Variants in ARFIP1 observed in about 807,000 individuals in gnomAD.
The protein encoded by ARFIP1 is ARF interacting protein 1.
A neutral mutation model predicts 42.5 loss-of-function variants in ARFIP1; 24 were observed. That is an observed-to-expected ratio of 0.57 (90% confidence interval 0.41 to 0.80). The LOEUF is 0.80. Among genes scored for constraint, ARFIP1 ranks in the 30% least tolerant of loss-of-function variants. The probability of loss-of-function intolerance (pLI) is 0.00; values close to 1 mark genes in which losing one functional copy is unlikely to be tolerated. For synonymous variants in ARFIP1, 141 were observed against 153.7 expected, an observed-to-expected ratio of 0.92 and a Z score of 0.61; for missense variants, 354 against 434.0, an observed-to-expected ratio of 0.82 and a Z score of 1.64.
intron 3 of ARFIP1, among the ~76,000 whole-genome samples, chr4:152,864,229 C>A (rs1437608672): frequency 1.3e-5 from 2 of 152,110 alleles, no homozygotes; most frequent in Non-Finnish European, 2.9e-5. Context: ...TGTTGAATAC[C>A]TGAGATATAG....
chr4:152,840,552 T>C (rs1377853194), intron 2 of ARFIP1, among the ~76,000 whole-genome samples: 30 of 152,188 alleles, frequency 2.0e-4, no homozygotes, highest in Admixed American at 2.0e-3. Context: ...TTGTTTTGTC[T>C]GATGTAAGAA....
intron 1 of ARFIP1, among the ~76,000 whole-genome samples, chr4:152,798,124 C>T (rs887828172): frequency 6.6e-6 from 1 of 152,118 alleles, no homozygotes; most frequent in Non-Finnish European, 1.5e-5. Context: ...GTGGCAGGCA[C>T]CTGTAATTCC....
At chr4:152,866,815 G>A (rs1578966537) in intron 3 of ARFIP1, among the ~76,000 whole-genome samples, 2 of 151,942 alleles carry the variant, frequency 1.3e-5, no homozygotes, top group Non-Finnish European at 2.9e-5. Context: ...TCACCTCCCA[G>A]ATGGGGTCGC....
intron 1 of ARFIP1, among the ~76,000 whole-genome samples, chr4:152,804,018 TTATA>T (rs1184582192): frequency 7.4e-6 from 1 of 134,616 alleles, no homozygotes; most frequent in Non-Finnish European, 1.5e-5. Context: ...AATATATATA[TTATA>T]TATAATATAA....
In ARFIP1 at chr4:152,801,206, G is replaced by A. The variant is rs550069324; in HGVS notation, c.-10+20980G>A. Among the ~76,000 whole-genome samples the A allele has an allele frequency of 2.0e-5, 3 of 152,310 alleles. No individual in the cohort carries two copies. The South Asian group carries it at 6.2e-4, about 32-fold the overall frequency. Reference sequence around the variant, plus strand: ...CTGCTGTAAAGCATAAGGGGCTAGAGTGATCAAGAGTGCTAATTGACATAG... The same window carrying A: ...CTGCTGTAAAGCATAAGGGGCTAGAATGATCAAGAGTGCTAATTGACATAG... On this transcript the variant is annotated intron_variant, in intron 1 of 8. Coordinates refer to ENST00000353617, the MANE Select transcript of ARFIP1 (RefSeq NM_001025595.3).
At chr4:152,889,919 T>TATATATATACTATACATACAGTACTATA (rs1179099513) in intron 8 of ARFIP1, among the ~76,000 whole-genome samples, 1 of 138,664 alleles carries the variant, frequency 7.2e-6, no homozygotes, top group African/African-American at 2.7e-5. Context: ...TAATATATAG[T>TATATATATACTATACATACAGTACTATA]GTATGTATAC....
intron 1 of ARFIP1, among the ~76,000 whole-genome samples, chr4:152,821,390 G>T (rs1228936521): frequency 6.6e-6 from 1 of 152,106 alleles, no homozygotes; most frequent in East Asian, 1.9e-4. Context: ...GTAGGAAAAA[G>T]AATTTCAGAA....
intron 1 of ARFIP1, chr4:152,796,057 T>C: frequency 1.4e-6 from 1 of 714,214 alleles, no homozygotes; most frequent in South Asian, 1.4e-5. Flanking sequence ...ATATATAAAA[T>C]TGCTGTCAAA....
intron 1 of ARFIP1, among the ~76,000 whole-genome samples, chr4:152,824,758 T>G (rs1256077813): frequency 1.3e-5 from 2 of 152,178 alleles, no homozygotes; most frequent in Non-Finnish European, 2.9e-5. Flanking sequence ...TCCGGTGATC[T>G]CTGTTTGCCA....
At chr4:152,903,265 G>A (rs1247370939) in intron 8 of ARFIP1, among the ~76,000 whole-genome samples, 1 of 152,074 alleles carries the variant, frequency 6.6e-6, no homozygotes, top group East Asian at 1.9e-4. Flanking sequence ...TGTTTTGATT[G>A]GATGAGTCAA....
At chr4:152,886,937 G>A (rs568618018) in intron 7 of ARFIP1, among the ~76,000 whole-genome samples, 6 of 152,006 alleles carry the variant, frequency 3.9e-5, no homozygotes, top group African/African-American at 1.4e-4. Context: ...GAATAAATTA[G>A]GATCAGTGTG....
chr4:152,901,019 A>G (rs1247307924), intron 8 of ARFIP1, among the ~76,000 whole-genome samples: 4 of 152,086 alleles, frequency 2.6e-5, no homozygotes, highest in Non-Finnish European at 1.5e-5. Flanking sequence ...TCAATGGCAA[A>G]ACCTGCGATT....
intron 1 of ARFIP1, chr4:152,796,265 C>CA: frequency 9.8e-7 from 1 of 1,024,842 alleles, no homozygotes; most frequent in Non-Finnish European, 1.5e-6. Context: ...TATTGGTAGG[C>CA]AAAAGGTGGC....
At chr4:152,812,308 C>T (rs764760305) in intron 1 of ARFIP1, among the ~76,000 whole-genome samples, 38 of 152,176 alleles carry the variant, frequency 2.5e-4, no homozygotes, top group Non-Finnish European at 4.9e-4. Flanking sequence ...AATCCTTCCA[C>T]CTCAGCCTCC....
At chr4:152,905,441 CT>C (rs1190488987) in intron 8 of ARFIP1, among the ~76,000 whole-genome samples, 2 of 144,178 alleles carry the variant, frequency 1.4e-5, no homozygotes, top group East Asian at 4.2e-4. Flanking sequence ...TGTTGAGCAT[CT>C]TTTTATGTGC....
At chr4:152,816,618 A>G (rs1029228017) in intron 1 of ARFIP1, among the ~76,000 whole-genome samples, 13 of 152,256 alleles carry the variant, frequency 8.5e-5, no homozygotes, top group African/African-American at 3.1e-4. Context: ...TATGACATGT[A>G]TATTTGTTTG....
At position 152,798,691 on chromosome 4, in the gene ARFIP1, A is replaced by AT. The variant is rs199768414; in HGVS notation, c.-10+18467dup. On this transcript the variant is annotated intron_variant, in intron 1 of 8. Coordinates refer to ENST00000353617, the MANE Select transcript of ARFIP1 (RefSeq NM_001025595.3). ...GAGTAAAAATTTGTTTCTTTGCATT[A>AT]TTGTAGCTAAAATGGTGTCTGGTAC... is the stretch of plus-strand genomic sequence containing the variant. Among the ~76,000 whole-genome samples the AT allele has an allele frequency of 4.3e-3, 651 of 152,252 alleles. 4 individuals are homozygous for AT. The highest frequency in any genetic ancestry group is 0.015 in the African/African-American group (609 of 41,560).
At chr4:152,782,216 A>G (rs1730544423) in intron 1 of ARFIP1, among the ~76,000 whole-genome samples, 1 of 132,758 alleles carries the variant, frequency 7.5e-6, no homozygotes. Context: ...TAGTGAAAAC[A>G]GGTAGGGGTG....
intron 7 of ARFIP1, 68 bp downstream of exon 7, chr4:152,882,948 T>C: frequency 6.6e-7 from 1 of 1,510,236 alleles, no homozygotes; most frequent in Non-Finnish European, 8.9e-7. Flanking sequence ...ATTTTTTGGT[T>C]ACAAACAACA....
Sources: allele counts gnomAD v4.1 joint callset (sites outside exome capture counted in the v4.1 genomes callset), GRCh38; gene constraint gnomAD v4.1.1; transcripts MANE v1.5; gene names NCBI Gene and HGNC (gene_info 2026-07-23, HGNC 2026-07-21).